The following SCYL2 variants were observed in gnomAD, a reference collection of about 807,000 sequenced individuals.
The protein encoded by SCYL2 is SCY1 like pseudokinase 2.
A neutral mutation model predicts 100.4 loss-of-function variants in SCYL2; 36 were observed. The observed-to-expected ratio is 0.36, with a 90% CI of 0.27 to 0.47. SCYL2 has a LOEUF of 0.47. Among genes scored for constraint, SCYL2 ranks in the 20% least tolerant of loss-of-function variants. The probability of loss-of-function intolerance (pLI) is 1.00; values close to 1 mark genes in which losing one functional copy is unlikely to be tolerated. For synonymous variants in SCYL2, 330 were observed against 359.2 expected (o/e 0.92, Z 0.92); for missense variants, 902 against 1,083.9 (o/e 0.83, Z 2.36).
intron 4 of SCYL2, among the ~76,000 whole-genome samples, chr12:100,308,413 CACTT>C (rs2096337444): frequency 6.6e-6 from 1 of 152,094 alleles, no homozygotes; most frequent in Non-Finnish European, 1.5e-5. Flanking sequence ...CGCATGTTCT[CACTT>C]ATAAGTGGGA....
Position 100,267,788 on chromosome 12 carries a change from A to T in SCYL2, c.-33A>T, listed in dbSNP as rs1004572042. ...CGGGGACATTGGACACTACTCTAGG[A>T]CCGGGTGAGAGAGTTCACCTCAGTT... On this transcript the variant is annotated 5_prime_UTR_variant, in exon 1 of 18. Coordinates refer to ENST00000360820, the MANE Select transcript of SCYL2 (RefSeq NM_017988.6). 1.3e-5 allele frequency: 2 copies of T among 152,042 alleles called. No individual in the cohort carries two copies. Among genetic ancestry groups the T allele is most frequent in the African/African-American group, 2.4e-5 (1 of 41,394 alleles). The allele number at this position is 152,042 out of a possible 1,614,324, so 9.4% of individuals were successfully genotyped here.
intron 4 of SCYL2, among the ~76,000 whole-genome samples, chr12:100,310,261 G>T (rs567821002): frequency 2.0e-5 from 3 of 152,178 alleles, no homozygotes; most frequent in Non-Finnish European, 4.4e-5. Context: ...CTCCCAAATG[G>T]CTGGGATTAC....
At chr12:100,295,751 GGGGGAGACCGT>G (rs2096319364) in intron 3 of SCYL2, among the ~76,000 whole-genome samples, 1 of 151,116 alleles carries the variant, frequency 6.6e-6, no homozygotes, top group African/African-American at 2.4e-5. Context: ...ATGGGGAGAC[GGGGGAGACCGT>G]GGGGAGACGG....
intron 9 of SCYL2, among the ~76,000 whole-genome samples, 188 bp downstream of exon 9, chr12:100,315,922 T>C (rs1164425389): frequency 6.6e-6 from 1 of 152,238 alleles, no homozygotes; most frequent in African/African-American, 2.4e-5. Flanking sequence ...GATTGAACTT[T>C]GCAGTTAAAT....
intron 1 of SCYL2, among the ~76,000 whole-genome samples, chr12:100,275,069 G>T (rs2096291202): frequency 6.6e-6 from 1 of 152,064 alleles, no homozygotes; most frequent in South Asian, 2.1e-4. Context: ...TTCAGTTTCT[G>T]TTAGCAGTAT....
At chr12:100,274,820 G>C (rs76655152) in intron 1 of SCYL2, among the ~76,000 whole-genome samples, 3,770 of 152,278 alleles carry the variant, frequency 0.025, 153 homozygotes, top group African/African-American at 0.085. Flanking sequence ...TTTGGAGAGC[G>C]ATAGGGCTTT....
At chr12:100,270,295 A>G (rs1025674060) in intron 1 of SCYL2, among the ~76,000 whole-genome samples, 4 of 152,060 alleles carry the variant, frequency 2.6e-5, no homozygotes, top group Non-Finnish European at 5.9e-5. Context: ...CCGAGATTTT[A>G]TACTTTCTTA....
chr12:100,331,936 T>C (rs908291378), intron 13 of SCYL2, among the ~76,000 whole-genome samples: 5 of 151,872 alleles, frequency 3.3e-5, no homozygotes, highest in Non-Finnish European at 5.9e-5. Flanking sequence ...AATCAATCAG[T>C]TGTGTTTGAG....
At chr12:100,312,776 A>T (rs1394931646) in intron 6 of SCYL2, 123 bp downstream of exon 6, 13 of 645,904 alleles carry the variant, frequency 2.0e-5, no homozygotes, top group Non-Finnish European at 3.1e-5. Flanking sequence ...AGTTTGCATA[A>T]GATCAGCTTA....
intron 2 of SCYL2, among the ~76,000 whole-genome samples, chr12:100,284,616 C>T (rs1360692520): frequency 1.3e-5 from 2 of 152,166 alleles, no homozygotes; most frequent in Non-Finnish European, 2.9e-5. Context: ...GCGTGCACCA[C>T]CATGCCTGGC....
At position 100,341,339 on chromosome 12, in the gene SCYL2, C is replaced by T. The variant is rs966193215; in HGVS notation, c.*2167C>T. On this transcript the variant is annotated 3_prime_UTR_variant, in exon 18 of 18. Coordinates refer to ENST00000360820, the MANE Select transcript of SCYL2 (RefSeq NM_017988.6). Reference sequence around the variant, plus strand: ...ACTAGATCACCTTAAAATTATTTCACGTACTGAAGACAATTAAGTCCGTTA... The same window carrying T: ...ACTAGATCACCTTAAAATTATTTCATGTACTGAAGACAATTAAGTCCGTTA... The T allele has an allele frequency of 1.3e-5, 2 of 152,084 alleles. No homozygotes were observed. The highest frequency in any genetic ancestry group is 1.9e-4 in the East Asian group (1 of 5,202). The allele number at this position is 152,084 out of a possible 1,614,324, so 9.4% of individuals were successfully genotyped here. A position where few individuals can be genotyped will look rare whatever the true frequency, so the allele number is the denominator to read the frequency against.
intron 4 of SCYL2, among the ~76,000 whole-genome samples, 188 bp from the exon 5 acceptor site, chr12:100,310,856 A>G (rs1255108589): frequency 6.6e-6 from 1 of 152,180 alleles, no homozygotes; most frequent in Admixed American, 6.5e-5. Context: ...TTTTCTCACT[A>G]ATCTTCAGAT....
At chr12:100,306,352 T>C (rs2096334323) in intron 4 of SCYL2, among the ~76,000 whole-genome samples, 1 of 152,162 alleles carries the variant, frequency 6.6e-6, no homozygotes, top group Admixed American at 6.5e-5. Context: ...GTTCAACATA[T>C]GCAAATCATT....
chr12:100,339,032 A>C lies in SCYL2; in HGVS notation c.2650A>C (p.Thr884Pro). The change falls in exon 18 of 18, where the codon ACA becomes CCA. Residue 884 changes from threonine to proline, a missense_variant. Transcript: ENST00000360820. ...SPTMGSSVMG[T>P]QMNVIGQSAF... ...AACTATGGGCAGTTCAGTAATGGGG[A>C]CACAGATGAACGTGATAGGACAATC... 1.2e-6 allele frequency: 2 copies of C among 1,614,174 alleles called. No individual in the cohort carries two copies. The highest frequency in any genetic ancestry group is 1.7e-6 in the Non-Finnish European group (2 of 1,179,980).
At position 100,297,316 on chromosome 12, in the gene SCYL2, AGACAGCACATAGG is replaced by A. The variant is rs571600140; in HGVS notation, c.336-712_336-700del. ...AGAACAGTAGTGTCCATTGTTACCAAGACAGCACATAGGGATGCTGGGACTTAAAGTCAGGTAT... is the reference window on the plus strand; with the variant it reads ...AGAACAGTAGTGTCCATTGTTACCAAGATGCTGGGACTTAAAGTCAGGTAT... On this transcript the variant is annotated intron_variant, in intron 3 of 17. Coordinates refer to ENST00000360820, the MANE Select transcript of SCYL2 (RefSeq NM_017988.6). 3.7e-3 allele frequency among the ~76,000 whole-genome samples: 558 copies of A among 152,342 alleles called. 5 individuals are homozygous for A. The highest frequency in any genetic ancestry group is 0.025 in the South Asian group (123 of 4,826).
chr12:100,291,772 G>A lies in SCYL2; in HGVS notation c.335+112G>A, dbSNP rs190422353. 1,906 of 1,005,824 alleles carry A rather than the reference G, an allele frequency of 1.9e-3. 31 individuals are homozygous for A. In the African/African-American group the frequency reaches 0.029, roughly 16 times the overall value. 62.3% of individuals were successfully genotyped at this position (1,005,824 alleles called of 1,614,324 possible). A position where few individuals can be genotyped will look rare whatever the true frequency, so the allele number is the denominator to read the frequency against. On this transcript the variant is annotated intron_variant, in intron 3 of 17. Transcript: ENST00000360820. The stretch of plus-strand genomic sequence containing the variant: ...TCAGTGAAAAATTCTTATACTCTAA[G>A]TGTTGAGTTCTTATGCATTAGTTTT...
chr12:100,283,454 T>C (rs763631607), intron 2 of SCYL2, among the ~76,000 whole-genome samples: 2 of 152,174 alleles, frequency 1.3e-5, no homozygotes, highest in Non-Finnish European at 2.9e-5. Context: ...GTGAAGCATA[T>C]GTTTTAGGAT....
At chr12:100,321,781 A>G (rs2096356033) in intron 10 of SCYL2, among the ~76,000 whole-genome samples, 1 of 152,182 alleles carries the variant, frequency 6.6e-6, no homozygotes, top group African/African-American at 2.4e-5. Context: ...GGTAGCTCAC[A>G]CCTGTAATTT....
chr12:100,303,810 T>C (rs1012523785), intron 4 of SCYL2, among the ~76,000 whole-genome samples: 1 of 152,170 alleles, frequency 6.6e-6, no homozygotes, highest in Non-Finnish European at 1.5e-5. Flanking sequence ...CGCTGCTCTC[T>C]TTACAGCCAG....
Sources: gnomAD v4.1 joint callset for allele counts (sites outside exome capture counted in the v4.1 genomes callset) on GRCh38, gnomAD v4.1.1 for gene constraint, MANE v1.5 for transcripts, NCBI Gene and HGNC (gene_info 2026-07-23, HGNC 2026-07-21) for gene names.